DNAH11: variants seen among roughly 807,000 people sequenced by gnomAD.
DNAH11 encodes axonemal beta dynein heavy chain 11.
Under a neutral mutation model 526.0 loss-of-function variants are expected in DNAH11, and 442 were observed. That is an observed-to-expected ratio of 0.84 (90% CI 0.78 to 0.91). The LOEUF (loss-of-function observed/expected upper bound fraction) is 0.91, where lower values mean the gene tolerates loss of function less well. Ranked by LOEUF, DNAH11 falls within the 40% of genes least tolerant of loss-of-function variation. The pLI, the probability that DNAH11 is intolerant of heterozygous loss-of-function variation, is 0.00. For synonymous variants in DNAH11, 2,461 were observed against 1,935.9 expected (o/e 1.27, Z -7.12); for missense variants, 6,989 against 5,448.7 (o/e 1.28, Z -8.90).
chr7:21,845,759 G>A (rs1294560485), intron 66 of DNAH11, among the ~76,000 whole-genome samples: 1 of 152,122 alleles, frequency 6.6e-6, no homozygotes, highest in African/African-American at 2.4e-5. Context: ...ATAAAATAAT[G>A]TACAGGTATT....
rs1255276755 is a variant in DNAH11, at chr7:21,801,204, G to A, written c.10094G>A (p.Cys3365Tyr). Residue 3365 changes from cysteine to tyrosine, a missense_variant, in exon 62 of 82, where the codon TGT becomes TAT. Coordinates refer to ENST00000409508, the MANE Select transcript of DNAH11 (RefSeq NM_001277115.2). ...AAAGCAACAGCTGAGAAAGTCCGGT[G>A]TCAAGAAGAGGTGAACCAAACCAAC... ...FEKATAEKVR[C>Y]QEEVNQTNKT... 1.2e-6 allele frequency: 2 copies of A among 1,613,448 alleles called. No individual in the cohort carries two copies. The highest frequency in any genetic ancestry group is 1.7e-6 in the Non-Finnish European group (2 of 1,179,730).
At chr7:21,694,418 C>T (rs778258815) in intron 35 of DNAH11, among the ~76,000 whole-genome samples, 14 of 152,224 alleles carry the variant, frequency 9.2e-5, no homozygotes, top group Middle Eastern at 3.4e-3. Flanking sequence ...TCTCATTGCT[C>T]AACTGCCACT....
At chr7:21,689,012 C>T (rs11977662) in intron 34 of DNAH11, among the ~76,000 whole-genome samples, 6,846 of 152,154 alleles carry the variant, frequency 0.045, 446 homozygotes, top group African/African-American at 0.15. Flanking sequence ...GGACTGTTTA[C>T]CTGTTGTAGA....
chr7:21,860,652 A>G (rs1395064496), intron 68 of DNAH11, among the ~76,000 whole-genome samples: 2 of 152,214 alleles, frequency 1.3e-5, no homozygotes, highest in African/African-American at 2.4e-5. Context: ...TGCAACGTGG[A>G]TGAACCTTGA....
At chr7:21,867,667 G>A (rs1043005652) in intron 71 of DNAH11, among the ~76,000 whole-genome samples, 192 bp from the exon 72 acceptor site, 3 of 152,312 alleles carry the variant, frequency 2.0e-5, no homozygotes, top group South Asian at 4.1e-4. Context: ...AGCTTCTAAG[G>A]AAGAGAAGGA....
At chr7:21,882,960 G>A (rs1783976931) in intron 75 of DNAH11, among the ~76,000 whole-genome samples, 1 of 152,154 alleles carries the variant, frequency 6.6e-6, no homozygotes, top group South Asian at 2.1e-4. Flanking sequence ...TTAAATGTAA[G>A]CAGAAAAAGA....
chr7:21,848,779 A>G (rs1487669972), intron 66 of DNAH11, among the ~76,000 whole-genome samples: 2 of 152,200 alleles, frequency 1.3e-5, no homozygotes, highest in African/African-American at 2.4e-5. Context: ...TTAGCAAAAT[A>G]GATTGCTATA....
intron 75 of DNAH11, among the ~76,000 whole-genome samples, chr7:21,883,198 T>C (rs1015475743): frequency 2.6e-5 from 4 of 152,238 alleles, no homozygotes; most frequent in Non-Finnish European, 4.4e-5. Context: ...TTCTGTCACA[T>C]CACGCAACAA....
At chr7:21,590,181 T>C (rs7788995) in intron 12 of DNAH11, among the ~76,000 whole-genome samples, 33,032 of 151,998 alleles carry the variant, frequency 0.22, 4,191 homozygotes, top group African/African-American at 0.36. Context: ...GTGTATATAA[T>C]TATACAATAT....
chr7:21,675,175 C>A (rs938042101), intron 30 of DNAH11, among the ~76,000 whole-genome samples: 1 of 152,242 alleles, frequency 6.6e-6, no homozygotes, highest in African/African-American at 2.4e-5. Flanking sequence ...GACCTTTCAG[C>A]ACCATCTCAT....
intron 34 of DNAH11, among the ~76,000 whole-genome samples, chr7:21,688,636 T>G (rs1765245459): frequency 1.3e-5 from 2 of 152,314 alleles, no homozygotes; most frequent in African/African-American, 2.4e-5. Flanking sequence ...ATATCCAAAA[T>G]AAAAATCTTA....
intron 27 of DNAH11, 41 bp downstream of exon 27, chr7:21,637,743 T>G: frequency 2.3e-6 from 3 of 1,286,612 alleles, no homozygotes; most frequent in Non-Finnish European, 3.2e-6. Flanking sequence ...TTACTGTAAT[T>G]TTATGAAGTC....
chr7:21,701,529 A>G (rs751814448), intron 36 of DNAH11, among the ~76,000 whole-genome samples: 13 of 152,058 alleles, frequency 8.5e-5, no homozygotes, highest in South Asian at 2.1e-4. Context: ...GGCTGAAGCA[A>G]TCTGCCCGCC....
In DNAH11 at chr7:21,642,030, C is replaced by G. The variant is rs1215029884; in HGVS notation, c.4944+2965C>G. On this transcript the variant is annotated intron_variant, in intron 28 of 81. Transcript: ENST00000409508. ...GGAGGTGGGTATTTCTTCTTGCCAGCTAAAGGATCCAGTCCTGTGGCCACA... is the reference window on the plus strand; with the variant it reads ...GGAGGTGGGTATTTCTTCTTGCCAGGTAAAGGATCCAGTCCTGTGGCCACA... Among the ~76,000 whole-genome samples, 3 of 152,138 alleles carry G rather than the reference C, an allele frequency of 2.0e-5. No homozygotes were observed. In the South Asian group the frequency reaches 6.2e-4, roughly 32 times the overall value.
intron 46 of DNAH11, among the ~76,000 whole-genome samples, chr7:21,738,449 T>C (rs1279569344): frequency 6.6e-6 from 1 of 152,158 alleles, no homozygotes; most frequent in Non-Finnish European, 1.5e-5. Flanking sequence ...TGTGATGTCA[T>C]GCTGCACGTG....
intron 18 of DNAH11, 21 bp from the exon 19 acceptor site, chr7:21,606,405 T>C (rs767607680): frequency 5.1e-6 from 8 of 1,578,488 alleles, no homozygotes; most frequent in Non-Finnish European, 6.9e-6. Context: ...TAATTTCGCA[T>C]TTGTGCCTTT....
chr7:21,760,529 C>T (rs1328114347), intron 54 of DNAH11, among the ~76,000 whole-genome samples: 8 of 152,186 alleles, frequency 5.3e-5, no homozygotes, highest in Non-Finnish European at 1.2e-4. Context: ...AGGGCCACTG[C>T]CCCAAATGTA....
chr7:21,564,358 A>T lies in DNAH11; in HGVS notation c.1155A>T (p.Ile385=), dbSNP rs1783581806. 5.6e-6 allele frequency: 9 copies of T among 1,613,434 alleles called. No homozygotes were observed. The highest frequency in any genetic ancestry group is 7.6e-6 in the Non-Finnish European group (9 of 1,179,700). Residue 385 remains isoleucine (I), a synonymous_variant, in exon 6 of 82, where the codon ATA becomes ATT. Transcript: ENST00000409508. ...SKFYNTPARV[I]VLLQEFCNLF... ...TTTATAACACCCCAGCTCGGGTTAT[A>T]GTTTTATTGCAAGAGTTTTGTAATC...
At chr7:21,577,059 C>T (rs912317823) in intron 8 of DNAH11, among the ~76,000 whole-genome samples, 28 of 152,140 alleles carry the variant, frequency 1.8e-4, no homozygotes, top group African/African-American at 6.3e-4. Context: ...GAAACAACAA[C>T]GTGATGATGA....
Sources: allele counts gnomAD v4.1 joint callset (sites outside exome capture counted in the v4.1 genomes callset), GRCh38; gene constraint gnomAD v4.1.1; transcripts MANE v1.5; gene names NCBI Gene and HGNC (gene_info 2026-07-23, HGNC 2026-07-21).